SERPINI2: variants seen among roughly 807,000 people sequenced by gnomAD.
The protein encoded by SERPINI2 is serpin family I member 2, also known as serpin I2.
Under a neutral mutation model 47.3 loss-of-function variants are expected in SERPINI2, and 48 were observed. The observed-to-expected ratio is 1.02, with a 90% CI of 0.81 to 1.29. The LOEUF (loss-of-function observed/expected upper bound fraction) is 1.29. SERPINI2 is among the 50% of genes most tolerant of loss of function. The probability of loss-of-function intolerance (pLI) is 0.00; values close to 1 mark genes in which losing one functional copy is unlikely to be tolerated. For missense variants in SERPINI2, 448 were observed against 456.9 expected, an observed-to-expected ratio of 0.98 and a Z score of 0.18; for synonymous variants, 135 against 149.3, an observed-to-expected ratio of 0.90 and a Z score of 0.70.
intron 6 of SERPINI2, among the ~76,000 whole-genome samples, chr3:167,449,903 TG>T (rs1229174887): frequency 1.3e-5 from 2 of 152,210 alleles, no homozygotes; most frequent in African/African-American, 4.8e-5. Flanking sequence ...CTTCCAGAGA[TG>T]ACATATATAC....
chr3:167,458,245 C>CTTT (rs949215365), intron 5 of SERPINI2, among the ~76,000 whole-genome samples: 313 of 105,176 alleles, frequency 3.0e-3, no homozygotes, highest in Middle Eastern at 7.6e-3. Flanking sequence ...GAATTTCTTT[C>CTTT]TTTTTTTTTT....
Position 167,453,663 on chromosome 3 carries a change from G to GC in SERPINI2, c.867-631_867-630insG, listed in dbSNP as rs1435967070. 4.0e-5 allele frequency among the ~76,000 whole-genome samples: 6 copies of GC among 150,246 alleles called. No homozygotes were observed. In the East Asian group the frequency reaches 1.0e-3, roughly 25 times the overall value. ...AGACAAAAATTACAGGAGTGGGGGG[G>GC]GGTGGGCAAAAAAAAAAGGAGGTAG... On this transcript the variant is annotated intron_variant, in intron 5 of 8. Coordinates refer to ENST00000264677, the Ensembl canonical transcript of SERPINI2.
At chr3:167,450,770 G>T (rs77577818) in intron 6 of SERPINI2, among the ~76,000 whole-genome samples, 4,704 of 152,140 alleles carry the variant, frequency 0.031, 235 homozygotes, top group African/African-American at 0.11. Context: ...CAAGAGGAAA[G>T]ACCAAAAAGC....
At chr3:167,459,027 G>T (rs369177335) in intron 5 of SERPINI2, among the ~76,000 whole-genome samples, 34 of 150,052 alleles carry the variant, frequency 2.3e-4, no homozygotes, top group African/African-American at 8.3e-4. Context: ...AGAATCTGGC[G>T]GCGTATAGCA....
At chr3:167,457,544 A>G (rs1373554168) in intron 5 of SERPINI2, among the ~76,000 whole-genome samples, 1 of 152,206 alleles carries the variant, frequency 6.6e-6, no homozygotes, top group East Asian at 1.9e-4. Context: ...GAGTTGTTGC[A>G]GTGGTTTTTT....
intron 5 of SERPINI2, among the ~76,000 whole-genome samples, chr3:167,459,084 T>TG (rs989298797): frequency 2.0e-5 from 3 of 151,210 alleles, no homozygotes; most frequent in African/African-American, 7.3e-5. Context: ...TTTTGTTTTT[T>TG]TTTTTTTTGA....
chr3:167,465,234 C>T (rs373547916), exon 5 of SERPINI2: 23 of 1,611,232 alleles, frequency 1.4e-5, no homozygotes, highest in Non-Finnish European at 1.7e-5. Context: ...ACTTCCTCTT[C>T]TTGCATCTCA....
At chr3:167,458,192 C>T (rs1039120761) in intron 5 of SERPINI2, among the ~76,000 whole-genome samples, 5 of 144,256 alleles carry the variant, frequency 3.5e-5, no homozygotes, top group African/African-American at 1.3e-4. Flanking sequence ...CTTACTTATA[C>T]GATTCTTTTA....
At chr3:167,458,572 A>G (rs1749879081) in intron 5 of SERPINI2, among the ~76,000 whole-genome samples, 1 of 151,684 alleles carries the variant, frequency 6.6e-6, no homozygotes, top group South Asian at 2.1e-4. Context: ...GTCTTAGTGA[A>G]TTTCTTGCAC....
intron 2 of SERPINI2, among the ~76,000 whole-genome samples, chr3:167,470,550 C>CTTTT (rs536884425): frequency 0.031 from 2,875 of 92,882 alleles, 206 homozygotes; most frequent in African/African-American, 0.051. Context: ...TGAGCAACAA[C>CTTTT]TTTTTTTTTT....
chr3:167,474,622 A>G (rs1750438717), upstream of SERPINI2, among the ~76,000 whole-genome samples: 1 of 151,750 alleles, frequency 6.6e-6, no homozygotes, highest in Admixed American at 6.6e-5. Context: ...AGGCCAGCAA[A>G]AAAGATAATG....
chr3:167,458,212 G>A (rs2108161740), intron 5 of SERPINI2, among the ~76,000 whole-genome samples: 1 of 145,668 alleles, frequency 6.9e-6, no homozygotes, highest in Non-Finnish European at 1.5e-5. Flanking sequence ...AGTACTTACT[G>A]TACATTGCTG....
chr3:167,467,251 A>G, exon 3 of SERPINI2: 2 of 1,612,590 alleles, frequency 1.2e-6, no homozygotes, highest in Non-Finnish European at 1.7e-6. Flanking sequence ...CTGAGATGGC[A>G]GAGAAAAATG....
chr3:167,445,464 G>A (rs1174850229), intron 8 of SERPINI2, among the ~76,000 whole-genome samples: 2 of 152,112 alleles, frequency 1.3e-5, no homozygotes, highest in Non-Finnish European at 2.9e-5. Flanking sequence ...GTTCAAATAA[G>A]ATATAGGGAA....
chr3:167,471,846 T>C lies in SERPINI2; in HGVS notation c.-10-2A>G. ...AAGATTGTGTCCATTTTGACTTCTCTGTATTGTTTAAATCAAAATATATTC... is the reference window on the plus strand; with the variant it reads ...AAGATTGTGTCCATTTTGACTTCTCCGTATTGTTTAAATCAAAATATATTC... On this transcript the variant is annotated splice_acceptor_variant, in intron 1 of 8. Transcript: ENST00000264677. LOFTEE classifies it low-confidence loss of function (5UTR_SPLICE). 1.2e-6 allele frequency: 2 copies of C among 1,601,300 alleles called. No homozygotes were observed. Among genetic ancestry groups the C allele is most frequent in the Non-Finnish European group, 1.7e-6 (2 of 1,170,496 alleles).
At chr3:167,459,030 G>A (rs527660797) in intron 5 of SERPINI2, among the ~76,000 whole-genome samples, 48 of 150,906 alleles carry the variant, frequency 3.2e-4, no homozygotes, top group African/African-American at 1.0e-3. Flanking sequence ...ATCTGGCGGC[G>A]TATAGCAATT....
intron 8 of SERPINI2, among the ~76,000 whole-genome samples, chr3:167,443,213 T>C (rs951815999): frequency 5.3e-5 from 8 of 152,188 alleles, no homozygotes; most frequent in African/African-American, 1.7e-4. Context: ...GTTCACGCCA[T>C]TCTCCTGCCT....
At position 167,441,934 on chromosome 3, in the gene SERPINI2, G is replaced by A. The variant is rs1378427525; in HGVS notation, c.*175C>T. ...ATTTTCTAAAACATACAGAAGGAAT[G>A]GAAACAAATGCATACCTAATTTTAC... On this transcript the variant is annotated 3_prime_UTR_variant, in exon 9 of 9. Transcript: ENST00000264677. 1.3e-5 allele frequency: 6 copies of A among 465,328 alleles called. No homozygotes were observed. In the South Asian group the frequency reaches 2.7e-4, roughly 21 times the overall value. 28.8% of individuals were successfully genotyped at this position (465,328 alleles called of 1,614,324 possible). A position where few individuals can be genotyped will look rare whatever the true frequency, so the allele number is the denominator to read the frequency against.
chr3:167,471,946 A>G, intron 1 of SERPINI2, 102 bp from the exon 2 acceptor site: 1 of 785,578 alleles, frequency 1.3e-6, no homozygotes, highest in South Asian at 1.8e-5. Context: ...ATCTTAATAG[A>G]ACTTACTACC....
Sources: gnomAD v4.1 joint callset for allele counts (sites outside exome capture counted in the v4.1 genomes callset) on GRCh38, gnomAD v4.1.1 for gene constraint, MANE v1.5 for transcripts, NCBI Gene and HGNC (gene_info 2026-07-23, HGNC 2026-07-21) for gene names.